Variants in HSPG2 observed in about 807,000 individuals in gnomAD.
HSPG2 encodes basement membrane-specific heparan sulfate proteoglycan core protein.
In HSPG2, 278 loss-of-function variants were observed where a neutral mutation model predicts 526.6. The observed-to-expected ratio is 0.53, with a 90% CI of 0.48 to 0.58. HSPG2 has a LOEUF of 0.58. HSPG2 is among the 20% of genes least tolerant of loss of function. The pLI, the probability that HSPG2 is intolerant of heterozygous loss-of-function variation, is 0.00. For synonymous variants in HSPG2, 2,465 were observed against 2,555.4 expected (o/e 0.96, Z 1.07); for missense variants, 5,354 against 6,099.5 (o/e 0.88, Z 4.07).
At chr1:21,905,548 C>T (rs2152782117) in intron 1 of HSPG2, among the ~76,000 whole-genome samples, 1 of 152,320 alleles carries the variant, frequency 6.6e-6, no homozygotes, top group South Asian at 2.1e-4. Context: ...TCGAGAGCAG[C>T]CTGGCCAACA....
intron 6 of HSPG2, 108 bp from the exon 7 acceptor site, chr1:21,888,174 G>T (rs1332110978): frequency 3.4e-6 from 5 of 1,484,520 alleles, no homozygotes; most frequent in East Asian, 4.6e-5. Context: ...GTGTCAGGCA[G>T]CTCGGTTTCT....
Position 21,865,855 on chromosome 1 carries a change from G to C in HSPG2, c.4222-46C>G, listed in dbSNP as rs1217622214. ...AGGTCACAGGCTGACCTTGGGGTGTGAGTGTTGGACCATATAGGTGAGGGA... is the reference window on the plus strand; with the variant it reads ...AGGTCACAGGCTGACCTTGGGGTGTCAGTGTTGGACCATATAGGTGAGGGA... On this transcript the variant is annotated intron_variant, in intron 33 of 96. Coordinates refer to ENST00000374695, the MANE Select transcript of HSPG2 (RefSeq NM_005529.7). This position sits in a 1 kb window ranked among gnomAD's most constrained non-coding sequence, Gnocchi z 5.4. The C allele has an allele frequency of 2.0e-6, 3 of 1,464,416 alleles. No homozygotes were observed. The highest frequency in any genetic ancestry group is 2.8e-5 in the African/African-American group (2 of 71,938). 90.7% of individuals were successfully genotyped at this position (1,464,416 alleles called of 1,614,324 possible).
In HSPG2 at chr1:21,937,140, G is replaced by A. The variant is rs767150036; in HGVS notation, c.63+15C>T. On this transcript the variant is annotated intron_variant, in intron 1 of 96. Coordinates refer to ENST00000374695, the MANE Select transcript of HSPG2 (RefSeq NM_005529.7). Reference sequence around the variant, plus strand: ...CTCCGCCCCCGCCCCCCGCCCCTCTGCCCCGCACACTCACCGCCAGCAGCC... The same window carrying A: ...CTCCGCCCCCGCCCCCCGCCCCTCTACCCCGCACACTCACCGCCAGCAGCC... The A allele has an allele frequency of 3.9e-6, 2 of 518,610 alleles. No homozygotes were observed. The highest frequency in any genetic ancestry group is 4.8e-5 in the South Asian group (1 of 20,778). 32.1% of individuals were successfully genotyped at this position (518,610 alleles called of 1,614,324 possible).
intron 37 of HSPG2, among the ~76,000 whole-genome samples, chr1:21,862,837 G>A (rs1236119500): frequency 6.6e-6 from 1 of 151,782 alleles, no homozygotes; most frequent in East Asian, 1.9e-4. Flanking sequence ...GACGTGGGTG[G>A]ATCACCTGAG....
At chr1:21,913,784 G>A (rs1643791820) in intron 1 of HSPG2, among the ~76,000 whole-genome samples, 1 of 152,210 alleles carries the variant, frequency 6.6e-6, no homozygotes, top group Non-Finnish European at 1.5e-5. Flanking sequence ...CGTGGATTCT[G>A]AGTCCCCAGT....
intron 9 of HSPG2, among the ~76,000 whole-genome samples, chr1:21,886,842 C>T (rs1641932428): frequency 6.6e-6 from 1 of 152,046 alleles, no homozygotes; most frequent in South Asian, 2.1e-4. Context: ...GGACCCATCA[C>T]CAAGGGACCT....
intron 1 of HSPG2, among the ~76,000 whole-genome samples, chr1:21,914,635 G>A (rs1218213839): frequency 6.6e-6 from 1 of 152,188 alleles, no homozygotes; most frequent in Non-Finnish European, 1.5e-5. Context: ...GATTGGCCAT[G>A]TGATCTCAGA....
At position 21,873,114 on chromosome 1, in the gene HSPG2, C is replaced by G. The variant is rs1398371420; in HGVS notation, c.3794-23G>C. On this transcript the variant is annotated intron_variant, in intron 30 of 96. Coordinates refer to ENST00000374695, the MANE Select transcript of HSPG2 (RefSeq NM_005529.7). ...CTCCTGAGGTGGAAGAAAGCCATGG[C>G]TGGAGCCCCAAACCCGCCACCCAGC... The G allele has an allele frequency of 2.5e-6, 4 of 1,588,298 alleles. No homozygotes were observed. In the East Asian group the frequency reaches 6.7e-5, roughly 27 times the overall value.
At chr1:21,873,243 C>T in intron 30 of HSPG2, 132 bp downstream of exon 30, 1 of 1,218,878 alleles carries the variant, frequency 8.2e-7, no homozygotes, top group Non-Finnish European at 1.2e-6. Flanking sequence ...GGGGCCTTCT[C>T]CTATCCCCAT....
intron 21 of HSPG2, among the ~76,000 whole-genome samples, chr1:21,877,059 CAAAAA>C (rs3077630): frequency 1.9e-5 from 2 of 103,152 alleles, no homozygotes; most frequent in African/African-American, 3.9e-5. Flanking sequence ...GACTCCATCT[CAAAAA>C]AAAAAAAAAA....
In HSPG2 at chr1:21,829,453, C is replaced by T. The variant is rs1210716148; in HGVS notation, c.11922G>A (p.Gly3974=). The T allele has an allele frequency of 1.2e-6, 2 of 1,613,320 alleles. No homozygotes were observed. Among genetic ancestry groups the T allele is most frequent in the Non-Finnish European group, 1.7e-6 (2 of 1,179,840 alleles). Residue 3974 remains glycine (G), a synonymous_variant, in exon 87 of 97, where the codon GGG becomes GGA. Transcript: ENST00000374695. ...CCAGGGACACGAAGTCCTCCACAGG[C>T]CCGCTCTTCCCCCCGCTGAACAGCA... is the stretch of plus-strand genomic sequence containing the variant. ...GVLLFSGGKS[G]PVEDFVSLAM...
At chr1:21,863,060 CAAAAAAAAAA>C (rs60890297) in intron 37 of HSPG2, among the ~76,000 whole-genome samples, 7 of 31,232 alleles carry the variant, frequency 2.2e-4, no homozygotes, top group Admixed American at 4.4e-4. Flanking sequence ...GACTCCATCT[CAAAAAAAAAA>C]AAAAAAAAAA....
chr1:21,929,661 C>A (rs1036049874), intron 1 of HSPG2, among the ~76,000 whole-genome samples: 4 of 146,462 alleles, frequency 2.7e-5, no homozygotes, highest in African/African-American at 1.0e-4. Context: ...ATTAACTGTT[C>A]TGAGAATTCT....
Position 21,842,820 on chromosome 1 carries a change from C to T in HSPG2, c.8860G>A (p.Ala2954Thr). 1 of 1,613,982 alleles carries T rather than the reference C, an allele frequency of 6.2e-7. No individual in the cohort carries two copies. Residue 2954 changes from alanine to threonine, a missense_variant, in exon 67 of 97, where the codon GCC becomes ACC. Ala to Thr is a moderately conservative substitution (Grantham distance 58, BLOSUM62 0). Coordinates refer to ENST00000374695, the MANE Select transcript of HSPG2 (RefSeq NM_005529.7). The part of the protein sequence containing the change: ...LNCVVPGQAH[A>T]QVTWYKRGGS... ...CCGCGCTTGTACCACGTGACCTGGGCATGGGCCTGCCCGGGCACCACACAG... is the reference window on the plus strand; with the variant it reads ...CCGCGCTTGTACCACGTGACCTGGGTATGGGCCTGCCCGGGCACCACACAG...
chr1:21,878,220 C>T lies in HSPG2; in HGVS notation c.2651G>A (p.Ser884Asn). 6.2e-7 allele frequency: 1 copy of T among 1,613,834 alleles called. No homozygotes were observed. The highest frequency in any genetic ancestry group is 8.5e-7 in the Non-Finnish European group (1 of 1,180,000). Residue 884 changes from serine to asparagine, a missense_variant, in exon 21 of 97, where the codon AGC becomes AAC. By Grantham distance (46) the Ser-to-Asn change is conservative (BLOSUM62 1). Coordinates refer to ENST00000374695, the MANE Select transcript of HSPG2 (RefSeq NM_005529.7). ...QEIVRCDERG[S>N]MGTSGEACRC... Reference sequence around the variant, plus strand: ...GCAGGCCTCCCCGGAGGTCCCCATGCTGCCACGCTCGTCACAGCGCACAAT... The same window carrying T: ...GCAGGCCTCCCCGGAGGTCCCCATGTTGCCACGCTCGTCACAGCGCACAAT...
Position 21,859,956 on chromosome 1 carries a change from T to C in HSPG2, c.5061A>G (p.Ile1687Met). 2.5e-6 allele frequency: 4 copies of C among 1,610,916 alleles called. No homozygotes were observed. Among genetic ancestry groups the C allele is most frequent in the South Asian group, 1.1e-5 (1 of 90,152 alleles). Residue 1687 changes from isoleucine (I) to methionine (M), a missense_variant, in exon 41 of 97, where the codon ATA (isoleucine) becomes ATG (methionine). By Grantham distance (10) the Ile-to-Met change is conservative. Transcript: ENST00000374695. This position sits in a 1 kb window ranked among gnomAD's most constrained non-coding sequence, Gnocchi z 5.3. Reference protein sequence around the residue: ...LVVEVHPARSIVPQGGSHSLR... With the variant: ...LVVEVHPARSMVPQGGSHSLR... The stretch of plus-strand genomic sequence containing the variant: ...GGGAGTGGGAGCCACCTTGGGGCAC[T>C]ATGCTTCGAGCAGGATGGACCTCGA...
Position 21,865,752 on chromosome 1 carries a change from C to T in HSPG2, c.4279G>A (p.Gly1427Ser), listed in dbSNP as rs374019569. 16 of 1,613,944 alleles carry T rather than the reference C, an allele frequency of 9.9e-6. No homozygotes were observed. Among genetic ancestry groups the T allele is most frequent in the Non-Finnish European group, 1.4e-5 (16 of 1,179,998 alleles). The change falls in exon 34 of 97, where the codon GGC becomes AGC. Residue 1427 changes from glycine to serine, a missense_variant. Coordinates refer to ENST00000374695, the MANE Select transcript of HSPG2 (RefSeq NM_005529.7). This position sits in a 1 kb window ranked among gnomAD's most constrained non-coding sequence, Gnocchi z 5.4. ...YTLSYTAGPQ[G>S]SPLSDPDVQI... ...ACATCGGGGTCAGAGAGTGGGCTGC[C>T]CTGTGGGCCTGCTGTGTAGGAGAGG... is the stretch of plus-strand genomic sequence containing the variant.
In HSPG2 at chr1:21,828,835, C is replaced by T. The variant is rs1407760892; in HGVS notation, c.12237G>A (p.Glu4079=). 6.4e-7 allele frequency: 1 copy of T among 1,550,604 alleles called. No homozygotes were observed. The highest frequency in any genetic ancestry group is 1.4e-5 in the African/African-American group (1 of 73,034). ...MSAHFRGCVG[E]VSVNGKRLDL... ...CTTGTCCCGAGGAGGCTGCTCTTAC[C>T]TCGCCCACACAGCCGCGGAAGTGAG... The change falls in exon 88 of 97, where the codon GAG becomes GAA. Residue 4079 remains glutamate (E), a splice_region_variant and synonymous_variant. Coordinates refer to ENST00000374695, the MANE Select transcript of HSPG2 (RefSeq NM_005529.7). This position sits in a 1 kb window ranked among gnomAD's most constrained non-coding sequence, Gnocchi z 6.0.
chr1:21,888,658 A>T (rs1642127501), intron 6 of HSPG2: 1 of 1,364,310 alleles, frequency 7.3e-7, no homozygotes, highest in Non-Finnish European at 9.8e-7. Flanking sequence ...GGCCTGGCTT[A>T]CACTCTCACC....
Sources: allele counts gnomAD v4.1 joint callset (sites outside exome capture counted in the v4.1 genomes callset), GRCh38; gene constraint gnomAD v4.1.1; non-coding constraint Gnocchi (gnomAD v3.1); transcripts MANE v1.5; gene names NCBI Gene and HGNC (gene_info 2026-07-23, HGNC 2026-07-21).